Variants in DPF3 observed in about 807,000 individuals in gnomAD.
The protein encoded by DPF3 is double PHD fingers 3.
In DPF3, 18 loss-of-function variants were observed where a neutral mutation model predicts 56.8. That is an observed-to-expected ratio of 0.32 (90% confidence interval 0.22 to 0.47). DPF3 has a LOEUF of 0.47. DPF3 is among the 20% of genes least tolerant of loss of function. The pLI, the probability that DPF3 is intolerant of heterozygous loss-of-function variation, is 1.00. For synonymous variants in DPF3, 188 were observed against 180.2 expected, an observed-to-expected ratio of 1.04 and a Z score of -0.35; for missense variants, 403 against 488.8, an observed-to-expected ratio of 0.82 and a Z score of 1.65.
intron 3 of DPF3, among the ~76,000 whole-genome samples, chr14:72,745,796 CA>C (rs1358599279): frequency 6.6e-6 from 1 of 152,026 alleles, no homozygotes; most frequent in Non-Finnish European, 1.5e-5. Context: ...AAGTATCAGC[CA>C]AAAAACTGAG....
chr14:72,709,264 G>A (rs560711073), intron 6 of DPF3, among the ~76,000 whole-genome samples: 8 of 152,336 alleles, frequency 5.3e-5, no homozygotes, highest in African/African-American at 1.9e-4. Context: ...AGGTGGCCTT[G>A]AGAGGGCCCG....
intron 9 of DPF3, among the ~76,000 whole-genome samples, chr14:72,626,208 A>G (rs1884820022): frequency 6.6e-6 from 1 of 152,160 alleles, no homozygotes; most frequent in Non-Finnish European, 1.5e-5. Flanking sequence ...TGGTTGTAAG[A>G]GTCAAAGCTA....
In DPF3 at chr14:72,623,174, A is replaced by C. The variant is rs550437668; in HGVS notation, c.985-3190T>G. On this transcript the variant is annotated intron_variant, in intron 9 of 10. Transcript: ENST00000556509. ...AAATCATATTTTTTAGTGGTTGCCT[A>C]TATGCAGAGTGAAGGAATAGTGTGG... Among the ~76,000 whole-genome samples the C allele has an allele frequency of 1.1e-4, 16 of 152,364 alleles. No individual in the cohort carries two copies. The East Asian group carries it at 3.1e-3, about 29-fold the overall frequency.
At chr14:72,821,133 CAAA>C (rs976081670) in intron 1 of DPF3, among the ~76,000 whole-genome samples, 6 of 116,880 alleles carry the variant, frequency 5.1e-5, no homozygotes, top group African/African-American at 6.8e-5. Flanking sequence ...AACTCTATCT[CAAA>C]AAAAAAAAAA....
intron 8 of DPF3, among the ~76,000 whole-genome samples, chr14:72,648,941 C>T (rs1885812560): frequency 6.6e-6 from 1 of 152,148 alleles, no homozygotes; most frequent in Non-Finnish European, 1.5e-5. Flanking sequence ...CCAGTTCTCT[C>T]CATGCCCCTC....
At chr14:72,781,268 A>C (rs1002146421) in intron 1 of DPF3, among the ~76,000 whole-genome samples, 5 of 152,216 alleles carry the variant, frequency 3.3e-5, no homozygotes, top group Non-Finnish European at 7.3e-5. Flanking sequence ...CCTCATCCCT[A>C]ACAAAATTGC....
chr14:72,751,552 G>T (rs1020458855), intron 3 of DPF3, among the ~76,000 whole-genome samples: 2 of 152,148 alleles, frequency 1.3e-5, no homozygotes, highest in African/African-American at 4.8e-5. Context: ...TGATCAATAC[G>T]GTCACCACTA....
At chr14:72,831,316 G>A (rs1412651773) in intron 1 of DPF3, among the ~76,000 whole-genome samples, 8 of 150,722 alleles carry the variant, frequency 5.3e-5, no homozygotes, top group East Asian at 3.9e-4. Context: ...CCACCTCCCC[G>A]CCTTGGCAGG....
intron 7 of DPF3, among the ~76,000 whole-genome samples, chr14:72,677,939 C>T (rs549227150): frequency 6.6e-6 from 1 of 151,288 alleles, no homozygotes; most frequent in African/African-American, 2.4e-5. Context: ...CCTGGTCATG[C>T]CTATCCACTC....
At chr14:72,622,775 A>G (rs980878112) in intron 9 of DPF3, among the ~76,000 whole-genome samples, 4 of 152,062 alleles carry the variant, frequency 2.6e-5, no homozygotes, top group Non-Finnish European at 4.4e-5. Context: ...GTTCCAGCAG[A>G]ATGGGAATCC....
intron 1 of DPF3, among the ~76,000 whole-genome samples, chr14:72,871,992 T>C (rs1050686333): frequency 6.6e-6 from 1 of 152,216 alleles, no homozygotes; most frequent in African/African-American, 2.4e-5. Flanking sequence ...ATCCAGGCGT[T>C]TCCATACATC....
chr14:72,765,670 G>T (rs998899061), intron 2 of DPF3, among the ~76,000 whole-genome samples: 3 of 152,232 alleles, frequency 2.0e-5, no homozygotes, highest in African/African-American at 7.2e-5. Flanking sequence ...TACACAGGCC[G>T]GGTGCGGTGG....
intron 8 of DPF3, among the ~76,000 whole-genome samples, chr14:72,652,295 C>T (rs1351320507): frequency 6.6e-6 from 1 of 152,134 alleles, no homozygotes; most frequent in African/African-American, 2.4e-5. Flanking sequence ...CTTGGAGAGG[C>T]GGGTGGTCCC....
At chr14:72,752,935 G>C (rs145862876) in intron 3 of DPF3, among the ~76,000 whole-genome samples, 1 of 152,292 alleles carries the variant, frequency 6.6e-6, no homozygotes, top group Non-Finnish European at 1.5e-5. Context: ...CACAAGAAAA[G>C]TATCACATGA....
chr14:72,710,249 A>G (rs1349949305), intron 6 of DPF3, among the ~76,000 whole-genome samples: 1 of 152,240 alleles, frequency 6.6e-6, no homozygotes, highest in Non-Finnish European at 1.5e-5. Flanking sequence ...CCCAGTTATC[A>G]TCCTGCCTAC....
At chr14:72,785,209 G>A (rs1287678984) in intron 1 of DPF3, among the ~76,000 whole-genome samples, 1 of 152,218 alleles carries the variant, frequency 6.6e-6, no homozygotes, top group East Asian at 1.9e-4. Flanking sequence ...GCTGGTTATA[G>A]TAGCAATAGT....
chr14:72,848,325 G>A (rs1489642238), intron 1 of DPF3, among the ~76,000 whole-genome samples: 9 of 152,030 alleles, frequency 5.9e-5, no homozygotes, highest in South Asian at 4.2e-4. Flanking sequence ...CACCATGCCC[G>A]GCTAATTTTT....
intron 7 of DPF3, among the ~76,000 whole-genome samples, chr14:72,685,669 C>T (rs1016206150): frequency 3.3e-5 from 5 of 152,202 alleles, no homozygotes; most frequent in Non-Finnish European, 7.3e-5. Context: ...CAGCACCTGC[C>T]TTGCAGGGTT....
intron 1 of DPF3, among the ~76,000 whole-genome samples, chr14:72,873,651 T>C (rs1172563269): frequency 3.9e-5 from 6 of 152,152 alleles, no homozygotes; most frequent in Non-Finnish European, 7.3e-5. Flanking sequence ...CTATTCACAA[T>C]AGCAAAGACT....
Sources: allele counts gnomAD v4.1 joint callset (sites outside exome capture counted in the v4.1 genomes callset), GRCh38; gene constraint gnomAD v4.1.1; transcripts MANE v1.5; gene names NCBI Gene and HGNC (gene_info 2026-07-23, HGNC 2026-07-21).